The following ADAMTS1 variants were observed in gnomAD, a reference collection of about 807,000 sequenced individuals.
ADAMTS1 encodes the protein ADAM metallopeptidase with thrombospondin type 1 motif 1.
A neutral mutation model predicts 87.9 loss-of-function variants in ADAMTS1; 19 were observed. The ratio of observed to expected loss-of-function variants is 0.22; its 90% CI spans 0.15 to 0.32. The LOEUF (loss-of-function observed/expected upper bound fraction) is 0.32. Ranked by LOEUF, ADAMTS1 falls within the 10% of genes least tolerant of loss-of-function variation. The probability of loss-of-function intolerance (pLI) is 1.00; values close to 1 mark genes in which losing one functional copy is unlikely to be tolerated. For missense variants in ADAMTS1, 1,240 were observed against 1,259.1 expected, an observed-to-expected ratio of 0.98 and a Z score of 0.23; for synonymous variants, 542 against 501.8, an observed-to-expected ratio of 1.08 and a Z score of -1.07.
At position 26,837,442 on chromosome 21, in the gene ADAMTS1, C is replaced by T. The variant is rs1985389481; in HGVS notation, c.*137G>A. ...GATGATTCAACTCCTTTTCTATCTA[C>T]CCCCATAATCCCACCTTACTGATAC... On this transcript the variant is annotated 3_prime_UTR_variant, in exon 9 of 9. Transcript: ENST00000284984. The T allele has an allele frequency of 4.2e-6, 3 of 707,714 alleles. No homozygotes were observed. Among genetic ancestry groups the T allele is most frequent in the South Asian group, 1.9e-5 (1 of 52,300 alleles). The allele number at this position is 707,714 out of a possible 1,614,324, so 43.8% of individuals were successfully genotyped here. A position where few individuals can be genotyped will look rare whatever the true frequency, so the allele number is the denominator to read the frequency against.
At position 26,838,037 on chromosome 21, in the gene ADAMTS1, G is replaced by A; in HGVS notation, c.2446C>T (p.Pro816Ser). 1 of 1,614,176 alleles carries A rather than the reference G, an allele frequency of 6.2e-7. No individual in the cohort carries two copies. Among genetic ancestry groups the A allele is most frequent in the Non-Finnish European group, 8.5e-7 (1 of 1,180,034 alleles). Reference sequence around the variant, plus strand: ...TGGATGGTCAAGGGCTCTTTGAGAGGGCTAAAGCTGCGAATTCTTTCCAAT... The same window carrying A: ...TGGATGGTCAAGGGCTCTTTGAGAGAGCTAAAGCTGCGAATTCTTTCCAAT... ...AALERIRSFS[P>S]LKEPLTIQVL... The change falls in exon 9 of 9, where the codon CCT becomes TCT. Residue 816 changes from proline to serine, a missense_variant. Around this residue, in one of 3 missense-constraint regions of ADAMTS1, gnomAD observed 402 missense variants for 399.1 expected, o/e 1.01. Coordinates refer to ENST00000284984, the MANE Select transcript of ADAMTS1 (RefSeq NM_006988.5).
intron 4 of ADAMTS1, 65 bp downstream of exon 4, chr21:26,840,933 A>G: frequency 1.3e-6 from 2 of 1,529,880 alleles, no homozygotes; most frequent in Non-Finnish European, 1.8e-6. Context: ...GAAAGAGTTC[A>G]TTTAACTAAA....
At position 26,841,909 on chromosome 21, in the gene ADAMTS1, C is replaced by T. The variant is rs374668733; in HGVS notation, c.1159G>A (p.Val387Ile). ...TVCDPSRSCSVIEDDGLQAAF... is the reference protein window; with the variant it reads ...TVCDPSRSCSIIEDDGLQAAF... ...GCTTGTAAACCATCATCTTCTATGACGGAGCAGCTTCTGCTCGGATCACAC... is the reference window on the plus strand; with the variant it reads ...GCTTGTAAACCATCATCTTCTATGATGGAGCAGCTTCTGCTCGGATCACAC... Residue 387 changes from valine (V) to isoleucine (I), a missense_variant, in exon 3 of 9, where the codon GTC becomes ATC. This residue lies in a region of ADAMTS1 where 317 missense variants were observed against 410.3 expected (regional missense o/e 0.77). Transcript: ENST00000284984. 7.6e-5 allele frequency: 123 copies of T among 1,614,092 alleles called. 1 individual carries two copies. Among genetic ancestry groups the T allele is most frequent in the South Asian group, 5.8e-4 (53 of 91,060 alleles).
Position 26,844,290 on chromosome 21 carries a change from C to T in ADAMTS1, c.665G>A (p.Gly222Asp), listed in dbSNP as rs143486753. Residue 222 changes from glycine (G) to aspartate (D), a missense_variant, in exon 1 of 9, where the codon GGC becomes GAC. Around this residue, in one of 3 missense-constraint regions of ADAMTS1, gnomAD observed 521 missense variants for 449.7 expected, o/e 1.16. Coordinates refer to ENST00000284984, the MANE Select transcript of ADAMTS1 (RefSeq NM_006988.5). The part of the protein sequence containing the change: ...ETEDEDEGTE[G>D]EDEGAQWSPQ... ...CGACCACTGAGCCCCTTCGTCCTCG[C>T]CCTCAGTCCCTTCGTCCTCGTCTTC... 11 of 1,607,770 alleles carry T rather than the reference C, an allele frequency of 6.8e-6. No individual in the cohort carries two copies. The African/African-American group carries it at 1.2e-4, about 18-fold the overall frequency.
At chr21:26,843,518 C>A (rs1436559643) in intron 1 of ADAMTS1, 1 of 37,712 alleles carries the variant, frequency 2.7e-5, no homozygotes, top group Non-Finnish European at 8.5e-5. Flanking sequence ...AGAGAGAAGG[C>A]CGTAGCAGGA....
chr21:26,845,078 TG>T lies in ADAMTS1; in HGVS notation c.-125del. On this transcript the variant is annotated 5_prime_UTR_variant, in exon 1 of 9. Coordinates refer to ENST00000284984, the MANE Select transcript of ADAMTS1 (RefSeq NM_006988.5). Reference sequence around the variant, plus strand: ...AAAATTAACAATTTCTATTATTCGTTGGAAGGGCGCGCAGAGCCGGCTACAG... The same window carrying T: ...AAAATTAACAATTTCTATTATTCGTTGAAGGGCGCGCAGAGCCGGCTACAG... The T allele has an allele frequency of 3.2e-6, 4 of 1,254,128 alleles. No individual in the cohort carries two copies. Among genetic ancestry groups the T allele is most frequent in the Non-Finnish European group, 4.1e-6 (4 of 985,924 alleles). 77.7% of individuals were successfully genotyped at this position (1,254,128 alleles called of 1,614,324 possible).
intron 2 of ADAMTS1, 61 bp downstream of exon 2, chr21:26,842,278 T>A: frequency 6.7e-7 from 1 of 1,500,536 alleles, no homozygotes; most frequent in African/African-American, 1.4e-5. Context: ...GTATATATCT[T>A]TTTGGTACAA....
rs564109320 is a variant in ADAMTS1 at position 26,844,571 on chromosome 21, G to A, written c.384C>T (p.Thr128=). Reference sequence around the variant, plus strand: ...CAGCCGAGCTGGGATCGCCATTCACGGTGCCGGAGTAGAAGCAGTGCGCCA... The same window carrying A: ...CAGCCGAGCTGGGATCGCCATTCACAGTGCCGGAGTAGAAGCAGTGCGCCA... ...TDLAHCFYSG[T]VNGDPSSAAA... is the part of the protein sequence containing the mutation. The change falls in exon 1 of 9, where the codon ACC becomes ACT. Residue 128 remains threonine, a synonymous_variant. Transcript: ENST00000284984. 2.5e-6 allele frequency: 4 copies of A among 1,610,746 alleles called. No homozygotes were observed. Among genetic ancestry groups the A allele is most frequent in the African/African-American group, 1.3e-5 (1 of 74,894 alleles).
rs147871252 is a variant in ADAMTS1 at position 26,842,263 on chromosome 21, G to A, written c.1077+76C>T. 249 of 1,396,182 alleles carry A rather than the reference G, an allele frequency of 1.8e-4. 1 individual carries two copies. In the East Asian group the frequency reaches 5.8e-3, roughly 32 times the overall value. The allele number at this position is 1,396,182 out of a possible 1,614,324, so 86.5% of individuals were successfully genotyped here. A position where few individuals can be genotyped will look rare whatever the true frequency, so the allele number is the denominator to read the frequency against. ...TTAACTGCAAAAACACTGGTGAAAT[G>A]CCTTGTATATATCTTTTTGGTACAA... On this transcript the variant is annotated intron_variant, in intron 2 of 8. Transcript: ENST00000284984.
chr21:26,840,913 G>T (rs765912846), intron 4 of ADAMTS1, 85 bp downstream of exon 4: 2 of 1,455,778 alleles, frequency 1.4e-6, no homozygotes, highest in South Asian at 1.3e-5. Context: ...AAAATAAAAA[G>T]AACAAAAAGG....
chr21:26,842,137 A>G (rs1985507030), intron 2 of ADAMTS1, 147 bp from the exon 3 acceptor site: 1 of 1,110,780 alleles, frequency 9.0e-7, no homozygotes, highest in Non-Finnish European at 1.3e-6. Context: ...GACTTTAATC[A>G]AGCTTTTTTC....
In ADAMTS1 at chr21:26,844,734, G is replaced by A; in HGVS notation, c.221C>T (p.Thr74Met). ...GTCAAAGGCGTGCAGGCGGAGGCGCGTGGTCCCGTGTCCCGGGGCGCGCTC... is the reference window on the plus strand; with the variant it reads ...GTCAAAGGCGTGCAGGCGGAGGCGCATGGTCCCGTGTCCCGGGGCGCGCTC... Reference protein sequence around the residue: ...ELERAPGHGTTRLRLHAFDQQ... With the variant: ...ELERAPGHGTMRLRLHAFDQQ... The change falls in exon 1 of 9, where the codon ACG becomes ATG. Residue 74 changes from threonine to methionine, a missense_variant. Thr to Met is a moderately conservative substitution (Grantham distance 81). This residue lies in a region of ADAMTS1 where 521 missense variants were observed against 449.7 expected (regional missense o/e 1.16). Coordinates refer to ENST00000284984, the MANE Select transcript of ADAMTS1 (RefSeq NM_006988.5). The A allele has an allele frequency of 6.4e-7, 1 of 1,571,074 alleles. No homozygotes were observed. The highest frequency in any genetic ancestry group is 8.6e-7 in the Non-Finnish European group (1 of 1,156,276).
Position 26,842,480 on chromosome 21 carries a change from G to C in ADAMTS1, c.936C>G (p.Ile312Met), listed in dbSNP as rs555893984. ...CTTCCGGCCCCTTCTGTTCATCGTG[G>C]ATGACCAAGATCTTCACCACCACCA... is the stretch of plus-strand genomic sequence containing the variant. The part of the protein sequence containing the change: ...VSLVVVKILV[I>M]HDEQKGPEVT... Residue 312 changes from isoleucine to methionine, a missense_variant, in exon 2 of 9, where the codon ATC becomes ATG. By Grantham distance (10) the Ile-to-Met change is conservative. Transcript: ENST00000284984. The C allele has an allele frequency of 6.2e-7, 1 of 1,614,128 alleles. No individual in the cohort carries two copies. Among genetic ancestry groups the C allele is most frequent in the South Asian group, 1.1e-5 (1 of 91,074 alleles).
chr21:26,842,786 C>CA, intron 1 of ADAMTS1, 101 bp from the exon 2 acceptor site: 1 of 893,146 alleles, frequency 1.1e-6, no homozygotes, highest in South Asian at 1.7e-5. Flanking sequence ...GCAAACAAAG[C>CA]AAAAATATAC....
chr21:26,840,047 T>A lies in ADAMTS1; in HGVS notation c.1680A>T (p.Gly560=). ...DRKHFDTPFH[G]SWGMWGPWGD... ...CCCAAGGCCCCCACATTCCCCAGCT[T>A]CCATGAAAAGGCGTCTAAATGGAGA... Residue 560 remains glycine (G), a synonymous_variant, in exon 6 of 9, where the codon GGA becomes GGT. Transcript: ENST00000284984. The A allele has an allele frequency of 6.2e-7, 1 of 1,613,036 alleles. No homozygotes were observed. Among genetic ancestry groups the A allele is most frequent in the East Asian group, 2.2e-5 (1 of 44,836 alleles).
rs1420855144 is a variant in ADAMTS1, at chr21:26,845,022, G to T, written c.-68C>A. The T allele has an allele frequency of 6.8e-7, 1 of 1,461,900 alleles. No individual in the cohort carries two copies. Among genetic ancestry groups the T allele is most frequent in the Non-Finnish European group, 9.0e-7 (1 of 1,111,170 alleles). The allele number at this position is 1,461,900 out of a possible 1,614,324, so 90.6% of individuals were successfully genotyped here. ...GGGACCTTTAGTTCGGGTCGGGAGA[G>T]CAAAGCCTCGTTGGCCTGCTCTGGA... is the stretch of plus-strand genomic sequence containing the variant. On this transcript the variant is annotated 5_prime_UTR_variant, in exon 1 of 9. Coordinates refer to ENST00000284984, the MANE Select transcript of ADAMTS1 (RefSeq NM_006988.5).
chr21:26,841,028 T>G lies in ADAMTS1; in HGVS notation c.1348A>C (p.Met450Leu). 1 of 1,614,224 alleles carries G rather than the reference T, an allele frequency of 6.2e-7. No homozygotes were observed. ...CCATTATCCAGAAATGATGTAATCA[T>G]GTAGGCACTGCAAGGAGACCAAGGC... is the stretch of plus-strand genomic sequence containing the variant. ...SQPWSPCSAY[M>L]ITSFLDNGHG... Residue 450 changes from methionine to leucine, a missense_variant, in exon 4 of 9, where the codon ATG becomes CTG. Coordinates refer to ENST00000284984, the MANE Select transcript of ADAMTS1 (RefSeq NM_006988.5).
Position 26,836,346 on chromosome 21 carries a change from G to A in ADAMTS1, c.*1233C>T, listed in dbSNP as rs1449357681. ...ATTGTATAAATACTCTATTTTATAT[G>A]CACTTCCACAAAAGCGATATAATTT... On this transcript the variant is annotated 3_prime_UTR_variant, in exon 9 of 9. Coordinates refer to ENST00000284984, the MANE Select transcript of ADAMTS1 (RefSeq NM_006988.5). The A allele has an allele frequency of 1.3e-5, 2 of 152,320 alleles. No individual in the cohort carries two copies. Among genetic ancestry groups the A allele is most frequent in the Admixed American group, 1.3e-4 (2 of 15,256 alleles). 9.4% of individuals were successfully genotyped at this position (152,320 alleles called of 1,614,324 possible).
Position 26,840,395 on chromosome 21 carries a change from C to G in ADAMTS1, c.1546G>C (p.Gly516Arg). Residue 516 changes from glycine (G) to arginine (R), a missense_variant, in exon 5 of 9, where the codon GGT becomes CGT. Around this residue, in one of 3 missense-constraint regions of ADAMTS1, gnomAD observed 317 missense variants for 410.3 expected, o/e 0.77. Coordinates refer to ENST00000284984, the MANE Select transcript of ADAMTS1 (RefSeq NM_006988.5). ...TTGGTTTGACACACCAGCACCCCAC[C>G]AGAGGTGCCGGTACACCACAAGGTG... ...CSTLWCTGTSGGVLVCQTKHF... is the reference protein window; with the variant it reads ...CSTLWCTGTSRGVLVCQTKHF... The G allele has an allele frequency of 6.2e-7, 1 of 1,614,216 alleles. No individual in the cohort carries two copies. Among genetic ancestry groups the G allele is most frequent in the South Asian group, 1.1e-5 (1 of 91,082 alleles).
Sources: gnomAD v4.1 joint callset for allele counts on GRCh38, gnomAD v4.1.1 for gene constraint, gnomAD v4.1.1 regional missense constraint, MANE v1.5 for transcripts, NCBI Gene and HGNC (gene_info 2026-07-23, HGNC 2026-07-21) for gene names.